The following OSBPL10 variants were observed in gnomAD, a reference collection of about 807,000 sequenced individuals.
OSBPL10 encodes oxysterol binding protein like 10.
A neutral mutation model predicts 81.7 loss-of-function variants in OSBPL10; 49 were observed. That is an observed-to-expected ratio of 0.60 (90% CI 0.48 to 0.76). OSBPL10 has a LOEUF of 0.76. Among genes scored for constraint, OSBPL10 ranks in the 30% least tolerant of loss-of-function variants. OSBPL10 has a pLI of 0.00. For synonymous variants in OSBPL10, 419 were observed against 383.6 expected (o/e 1.09, Z -1.08); for missense variants, 923 against 987.8 (o/e 0.93, Z 0.88).
chr3:31,881,016 T>A (rs1695558762), intron 1 of OSBPL10, among the ~76,000 whole-genome samples: 1 of 152,190 alleles, frequency 6.6e-6, no homozygotes, highest in Non-Finnish European at 1.5e-5. Flanking sequence ...TTGCCCAGAA[T>A]GCTACTCCCC....
At chr3:31,877,220 C>T (rs1701497160) in intron 2 of OSBPL10, among the ~76,000 whole-genome samples, 1 of 152,148 alleles carries the variant, frequency 6.6e-6, no homozygotes, top group Non-Finnish European at 1.5e-5. Flanking sequence ...GGCAGTTTTT[C>T]AGGGCCTTTT....
intron 1 of OSBPL10, among the ~76,000 whole-genome samples, chr3:31,933,548 G>C (rs1697306693): frequency 6.6e-6 from 1 of 151,902 alleles, no homozygotes; most frequent in African/African-American, 2.4e-5. Context: ...GTGACTACAG[G>C]TACACACCAC....
chr3:32,021,973 T>C (rs1699366641), intron 2 of OSBPL10, among the ~76,000 whole-genome samples: 2 of 75,324 alleles, frequency 2.7e-5, no homozygotes, highest in South Asian at 1.3e-3. Flanking sequence ...GGAGATAATC[T>C]GTCTCGAAAA....
chr3:31,761,115 C>T (rs1575527180), intron 4 of OSBPL10, among the ~76,000 whole-genome samples: 6 of 152,228 alleles, frequency 3.9e-5, no homozygotes, highest in Non-Finnish European at 4.4e-5. Context: ...AAAAAAAATC[C>T]AAACCAGTAT....
In OSBPL10 at chr3:31,730,295, C is replaced by T. The variant is rs577450762; in HGVS notation, c.1095+2962G>A. On this transcript the variant is annotated intron_variant, in intron 6 of 11. Coordinates refer to ENST00000396556, the MANE Select transcript of OSBPL10 (RefSeq NM_017784.5). The stretch of plus-strand genomic sequence containing the variant: ...GGCGGAGGTTGCAGTGAGCTGAGAT[C>T]GATCACGCCACTGTACTCCAGCCTG... 1.3e-4 allele frequency among the ~76,000 whole-genome samples: 19 copies of T among 150,526 alleles called. 1 individual carries two copies. Among genetic ancestry groups the T allele is most frequent in the Admixed American group, 4.7e-4 (7 of 15,040 alleles).
chr3:31,963,087 C>T (rs774795902), intron 1 of OSBPL10, among the ~76,000 whole-genome samples: 20 of 152,152 alleles, frequency 1.3e-4, no homozygotes, highest in Non-Finnish European at 2.4e-4. Context: ...CAAAGAGTTG[C>T]AAGAATATGA....
chr3:31,809,941 G>A (rs543930725), intron 4 of OSBPL10, among the ~76,000 whole-genome samples: 32 of 140,842 alleles, frequency 2.3e-4, no homozygotes, highest in Non-Finnish European at 3.3e-4. Flanking sequence ...GAGTGATCTC[G>A]GTTCACCACA....
At chr3:31,943,967 C>CAAAAAAAAAAAAAAAAAAAAAAAA (rs55770286) in intron 1 of OSBPL10, among the ~76,000 whole-genome samples, 2 of 37,778 alleles carry the variant, frequency 5.3e-5, no homozygotes, top group African/African-American at 2.6e-4. Context: ...GACTCCGTCT[C>CAAAAAAAAAAAAAAAAAAAAAAAA]AAAAAAAAAA....
chr3:31,949,038 G>A (rs1256916814), intron 1 of OSBPL10, among the ~76,000 whole-genome samples: 2 of 152,186 alleles, frequency 1.3e-5, no homozygotes, highest in East Asian at 3.9e-4. Flanking sequence ...GGAAATAAAT[G>A]GTCAAATCAA....
intron 6 of OSBPL10, among the ~76,000 whole-genome samples, chr3:31,720,317 G>A (rs779777872): frequency 2.6e-5 from 4 of 152,078 alleles, no homozygotes; most frequent in African/African-American, 7.2e-5. Context: ...TTTCATGTCC[G>A]GCTTAATTCT....
intron 4 of OSBPL10, among the ~76,000 whole-genome samples, chr3:31,791,665 C>T (rs1028200893): frequency 6.6e-6 from 1 of 151,382 alleles, no homozygotes; most frequent in Non-Finnish European, 1.5e-5. Context: ...TTCCACAAAG[C>T]TTTACTAAGC....
intron 4 of OSBPL10, among the ~76,000 whole-genome samples, chr3:31,806,227 GC>G (rs1370158395): frequency 1.1e-4 from 16 of 152,274 alleles, no homozygotes; most frequent in African/African-American, 3.9e-4. Flanking sequence ...AGCCCTCCCA[GC>G]AGCCTCTGGC....
intron 2 of OSBPL10, among the ~76,000 whole-genome samples, chr3:32,006,866 T>A (rs959553802): frequency 2.6e-5 from 4 of 152,248 alleles, no homozygotes; most frequent in Admixed American, 2.6e-4. Context: ...TTCTTGCCTT[T>A]CCTTTATGAA....
intron 5 of OSBPL10, among the ~76,000 whole-genome samples, chr3:31,739,605 T>G (rs893915383): frequency 1.3e-5 from 2 of 152,194 alleles, no homozygotes; most frequent in Non-Finnish European, 2.9e-5. Context: ...CAGAGCTCGG[T>G]TGCCCTCCAG....
intron 4 of OSBPL10, among the ~76,000 whole-genome samples, chr3:31,761,286 A>G (rs758724427): frequency 1.3e-5 from 2 of 151,930 alleles, no homozygotes; most frequent in African/African-American, 2.4e-5. Flanking sequence ...AGCCAGGCCA[A>G]CATAGTGAAA....
chr3:31,697,410 A>G (rs1377009729), intron 7 of OSBPL10, among the ~76,000 whole-genome samples: 1 of 152,140 alleles, frequency 6.6e-6, no homozygotes, highest in Admixed American at 6.6e-5. Context: ...GTTAGTTACC[A>G]GCAATAGACA....
At chr3:31,709,199 A>G (rs1453597673) in intron 6 of OSBPL10, 1 of 248,214 alleles carries the variant, frequency 4.0e-6, no homozygotes, top group African/African-American at 2.3e-5. Context: ...GTTTGTCGTC[A>G]CTGACATCAC....
At chr3:31,756,941 C>T (rs573891028) in intron 4 of OSBPL10, among the ~76,000 whole-genome samples, 1 of 152,324 alleles carries the variant, frequency 6.6e-6, no homozygotes, top group Admixed American at 6.5e-5. Context: ...AGCTAACAGG[C>T]TTCTGAATGT....
At position 31,858,221 on chromosome 3, in the gene OSBPL10, A is replaced by G. The variant is rs567326802; in HGVS notation, c.537+18212T>C. Among the ~76,000 whole-genome samples the G allele has an allele frequency of 2.6e-5, 4 of 152,034 alleles. No homozygotes were observed. In the East Asian group the frequency reaches 7.8e-4, roughly 29 times the overall value. ...TCCCTATGTTGCCCAGGCTGATCTC[A>G]AACTCCTGGGCTCAAGCAATCCTCC... On this transcript the variant is annotated intron_variant, in intron 3 of 11. Coordinates refer to ENST00000396556, the MANE Select transcript of OSBPL10 (RefSeq NM_017784.5).
Sources: allele counts gnomAD v4.1 joint callset (sites outside exome capture counted in the v4.1 genomes callset), GRCh38; gene constraint gnomAD v4.1.1; transcripts MANE v1.5; gene names NCBI Gene and HGNC (gene_info 2026-07-23, HGNC 2026-07-21).